The following FAM118A variants were observed in gnomAD, a reference collection of about 807,000 sequenced individuals.
The protein encoded by FAM118A is protein FAM118A.
A neutral mutation model predicts 38.2 loss-of-function variants in FAM118A; 25 were observed. That is an observed-to-expected ratio of 0.65 (90% confidence interval 0.48 to 0.91). The LOEUF (loss-of-function observed/expected upper bound fraction) is 0.91, where lower values mean the gene tolerates loss of function less well. Ranked by LOEUF, FAM118A falls within the 40% of genes least tolerant of loss-of-function variation. The pLI is 0.00. For missense variants in FAM118A, 425 were observed against 463.3 expected (o/e 0.92, Z 0.76); for synonymous variants, 178 against 184.1 (o/e 0.97, Z 0.27).
At chr22:45,329,308 C>A (rs2085534388) in intron 4 of FAM118A, 1 of 152,196 alleles carries the variant, frequency 6.6e-6, no homozygotes, top group Non-Finnish European at 1.5e-5. Flanking sequence ...AAATTGTTTT[C>A]CAGAAGGAGC....
In FAM118A at chr22:45,333,536, TG is replaced by T. The variant is rs545964833; in HGVS notation, c.937+828del. 3.8e-3 allele frequency among the ~76,000 whole-genome samples: 582 copies of T among 152,128 alleles called. 7 individuals are homozygous for T. Among genetic ancestry groups the T allele is most frequent in the African/African-American group, 0.014 (561 of 41,496 alleles). On this transcript the variant is annotated intron_variant, in intron 6 of 8. Transcript: ENST00000441876. ...AAAAATACAAAAAATTAGCTGGGCA[TG>T]GTGGCGGGCACCTGTAGTCCCAGCT...
chr22:45,336,255 G>A, intron 7 of FAM118A, 73 bp from the exon 8 acceptor site: 1 of 1,233,380 alleles, frequency 8.1e-7, no homozygotes, highest in South Asian at 1.3e-5. Context: ...CTTCAGTAAG[G>A]TCACATTATG....
chr22:45,318,336 G>T (rs1255104063), intron 1 of FAM118A: 2 of 152,200 alleles, frequency 1.3e-5, no homozygotes, highest in Non-Finnish European at 2.9e-5. Flanking sequence ...TGATGACTTG[G>T]CTCTGGGCCC....
chr22:45,340,478 A>G lies in FAM118A; in HGVS notation c.*73A>G, dbSNP rs2086408778. The G allele has an allele frequency of 1.3e-6, 2 of 1,530,738 alleles. No homozygotes were observed. Among genetic ancestry groups the G allele is most frequent in the South Asian group, 2.2e-5 (2 of 89,328 alleles). The allele number at this position is 1,530,738 out of a possible 1,614,324, so 94.8% of individuals were successfully genotyped here. A position where few individuals can be genotyped will look rare whatever the true frequency, so the allele number is the denominator to read the frequency against. On this transcript the variant is annotated 3_prime_UTR_variant, in exon 9 of 9. Transcript: ENST00000441876. The stretch of plus-strand genomic sequence containing the variant: ...ACAGTGCCCAAACGAAGAGGAATGT[A>G]TGGAGAACTCCACGTGGATCTCTGA...
At chr22:45,324,654 C>T (rs561599437) in intron 3 of FAM118A, among the ~76,000 whole-genome samples, 120 of 152,348 alleles carry the variant, frequency 7.9e-4, no homozygotes, top group African/African-American at 2.4e-3. Flanking sequence ...CAGGCGGCCA[C>T]ACCCATTCAT....
rs551151326 is a variant in FAM118A at position 45,339,264 on chromosome 22, C to T, written c.1055-1122C>T. On this transcript the variant is annotated intron_variant, in intron 8 of 8. Transcript: ENST00000441876. ...TACAAAAATTAACTGGGTGTGGTGG[C>T]GGGCGCCTACTGTAGTCCCAGCTAC... Among the ~76,000 whole-genome samples, 6 of 152,174 alleles carry T rather than the reference C, an allele frequency of 3.9e-5. No individual in the cohort carries two copies. The South Asian group carries it at 1.2e-3, about 32-fold the overall frequency.
Position 45,332,606 on chromosome 22 carries a change from T to C in FAM118A, c.833T>C (p.Met278Thr). The stretch of plus-strand genomic sequence containing the variant: ...CATTTCTTTAAGCATCAGGCAGATA[T>C]GCTTCTGCACGGAATCAAAGTTGTA... ...EDHFFKHQAD[M>T]LLHGIKVVSY... The change falls in exon 6 of 9, where the codon ATG becomes ACG. Residue 278 changes from methionine to threonine, a missense_variant. Met to Thr is a moderately conservative substitution (Grantham distance 81). Coordinates refer to ENST00000441876, the MANE Select transcript of FAM118A (RefSeq NM_017911.4). 10 of 1,614,238 alleles carry C rather than the reference T, an allele frequency of 6.2e-6. No individual in the cohort carries two copies. The highest frequency in any genetic ancestry group is 7.6e-6 in the Non-Finnish European group (9 of 1,180,042).
Position 45,332,416 on chromosome 22 carries a change from C to G in FAM118A, c.652-9C>G. 6.2e-7 allele frequency: 1 copy of G among 1,603,458 alleles called. No individual in the cohort carries two copies. Among genetic ancestry groups the G allele is most frequent in the Non-Finnish European group, 8.5e-7 (1 of 1,175,312 alleles). ...ATGAGCACTCAATTTCTTCATTGGC[C>G]TTTTCTAGGAAGTCCTCCAGAACTT... On this transcript the variant is annotated splice_polypyrimidine_tract_variant and intron_variant, in intron 5 of 8. Transcript: ENST00000441876.
At chr22:45,325,883 A>G (rs575158222) in intron 3 of FAM118A, among the ~76,000 whole-genome samples, 2 of 152,176 alleles carry the variant, frequency 1.3e-5, no homozygotes, top group East Asian at 3.9e-4. Flanking sequence ...GGATGCATAG[A>G]GCCAGGTCTC....
intron 6 of FAM118A, 41 bp downstream of exon 6, chr22:45,332,751 CTTTTT>C (rs58672588): frequency 2.5e-5 from 33 of 1,309,048 alleles, no homozygotes; most frequent in African/African-American, 6.1e-5. Context: ...TTTCTTTTTT[CTTTTT>C]TTTTTTTGAG....
At chr22:45,333,341 CAT>C (rs1157175760) in intron 6 of FAM118A, among the ~76,000 whole-genome samples, 1 of 150,280 alleles carries the variant, frequency 6.7e-6, no homozygotes. Context: ...ACCTGGGCAA[CAT>C]AGGGAGACCT....
rs571772338 is a variant in FAM118A, at chr22:45,333,614, C to G, written c.937+904C>G. On this transcript the variant is annotated intron_variant, in intron 6 of 8. Transcript: ENST00000441876. ...GCATGAACCCGGGAGGCAGAGCTTGCAGTGAGCCAAGATCGCACCACTGCA... is the reference window on the plus strand; with the variant it reads ...GCATGAACCCGGGAGGCAGAGCTTGGAGTGAGCCAAGATCGCACCACTGCA... 8.2e-5 allele frequency among the ~76,000 whole-genome samples: 12 copies of G among 147,048 alleles called. No individual in the cohort carries two copies. In the South Asian group the frequency reaches 2.5e-3, roughly 31 times the overall value.
chr22:45,323,524 T>C, intron 3 of FAM118A, 97 bp downstream of exon 3: 1 of 1,475,970 alleles, frequency 6.8e-7, no homozygotes, highest in Non-Finnish European at 9.2e-7. Flanking sequence ...GCCTAACTTG[T>C]GTTCAGTGCT....
At chr22:45,318,006 C>T (rs1021811510) in intron 1 of FAM118A, among the ~76,000 whole-genome samples, 5 of 152,226 alleles carry the variant, frequency 3.3e-5, no homozygotes, top group Non-Finnish European at 7.3e-5. Context: ...AACATCCTAC[C>T]ACGGTAGGGT....
At chr22:45,330,777 C>T in intron 5 of FAM118A, 46 bp downstream of exon 5, 1 of 1,462,976 alleles carries the variant, frequency 6.8e-7, no homozygotes, top group South Asian at 1.5e-5. Flanking sequence ...TCAGGGATTA[C>T]TGGTGGCCAC....
At chr22:45,339,448 G>A (rs941802100) in intron 8 of FAM118A, among the ~76,000 whole-genome samples, 3 of 150,282 alleles carry the variant, frequency 2.0e-5, no homozygotes, top group Admixed American at 6.6e-5. Context: ...AAATGCACTT[G>A]GGGGCACACA....
chr22:45,312,560 G>A (rs1026523795), intron 1 of FAM118A, among the ~76,000 whole-genome samples: 33 of 152,164 alleles, frequency 2.2e-4, no homozygotes, highest in African/African-American at 7.2e-4. Flanking sequence ...TGTAATCTCA[G>A]CTACTCAGGA....
chr22:45,332,060 C>T (rs777105881), intron 5 of FAM118A, among the ~76,000 whole-genome samples: 17 of 152,112 alleles, frequency 1.1e-4, no homozygotes, highest in Admixed American at 4.6e-4. Context: ...AAAATCGTAC[C>T]CAATTTGAGA....
At chr22:45,323,039 G>A in intron 2 of FAM118A, 136 bp from the exon 3 acceptor site, 2 of 895,490 alleles carry the variant, frequency 2.2e-6, no homozygotes, top group Non-Finnish European at 3.3e-6. Flanking sequence ...CGTCAGAGGG[G>A]ACTGTGTGTG....
Sources: gnomAD v4.1 joint callset for allele counts (sites outside exome capture counted in the v4.1 genomes callset) on GRCh38, gnomAD v4.1.1 for gene constraint, MANE v1.5 for transcripts, NCBI Gene and HGNC (gene_info 2026-07-23, HGNC 2026-07-21) for gene names.